PRKD1: variants seen among roughly 807,000 people sequenced by gnomAD.
PRKD1 encodes the protein serine/threonine-protein kinase D1.
Under a neutral mutation model 95.9 loss-of-function variants are expected in PRKD1, and 63 were observed. The ratio of observed to expected loss-of-function variants is 0.66; its 90% CI spans 0.54 to 0.81. The LOEUF is 0.81. Ranked by LOEUF, PRKD1 falls within the 30% of genes least tolerant of loss-of-function variation. The pLI, the probability that PRKD1 is intolerant of heterozygous loss-of-function variation, is 0.00. For missense variants in PRKD1, 1,048 were observed against 1,165.3 expected (o/e 0.90, Z 1.47); for synonymous variants, 425 against 423.1 (o/e 1.00, Z -0.05).
intron 1 of PRKD1, among the ~76,000 whole-genome samples, chr14:29,746,569 A>C (rs564391544): frequency 9.9e-5 from 15 of 151,492 alleles, no homozygotes; most frequent in Middle Eastern, 3.4e-3. Flanking sequence ...CCCTCTACTC[A>C]TTAACATGTG....
chr14:29,916,288 C>A lies in PRKD1; in HGVS notation c.264+10961G>T, dbSNP rs8003396. Reference sequence around the variant, plus strand: ...GACTACTCCGCTTGTAAAAAGCAACCTCCAAGATCTCTTTCCACTGTTATT... The same window carrying A: ...GACTACTCCGCTTGTAAAAAGCAACATCCAAGATCTCTTTCCACTGTTATT... On this transcript the variant is annotated intron_variant, in intron 1 of 17. Coordinates refer to ENST00000331968, the MANE Select transcript of PRKD1 (RefSeq NM_002742.3). Among the ~76,000 whole-genome samples, 516 of 152,294 alleles carry A rather than the reference C, an allele frequency of 3.4e-3. 7 individuals are homozygous for A. Among genetic ancestry groups the A allele is most frequent in the Admixed American group, 0.031 (469 of 15,300 alleles).
At chr14:29,866,430 A>G (rs1034777504) in intron 1 of PRKD1, among the ~76,000 whole-genome samples, 10 of 152,190 alleles carry the variant, frequency 6.6e-5, no homozygotes, top group Non-Finnish European at 4.4e-5. Flanking sequence ...ATGATCAAAT[A>G]TTTTCCCCAT....
chr14:29,827,206 GT>G (rs1333120937), intron 1 of PRKD1, among the ~76,000 whole-genome samples: 1 of 151,708 alleles, frequency 6.6e-6, no homozygotes, highest in East Asian at 1.9e-4. Flanking sequence ...AATACCACCT[GT>G]TCCCCCCAAA....
Position 29,638,690 on chromosome 14 carries a change from T to C in PRKD1, c.907+4A>G, listed in dbSNP as rs767767317. ...AGTTCGACAGGTGACAAAATCATCC[T>C]TACCTTTGCACTGCAAGCCCTGCCT... On this transcript the variant is annotated splice_donor_region_variant and intron_variant, in intron 5 of 17. Coordinates refer to ENST00000331968, the MANE Select transcript of PRKD1 (RefSeq NM_002742.3). The C allele has an allele frequency of 3.1e-6, 5 of 1,613,884 alleles. No individual in the cohort carries two copies. The African/African-American group carries it at 6.7e-5, about 22-fold the overall frequency.
At chr14:29,785,075 T>G (rs1330868754) in intron 1 of PRKD1, among the ~76,000 whole-genome samples, 1 of 152,140 alleles carries the variant, frequency 6.6e-6, no homozygotes, top group South Asian at 2.1e-4. Context: ...TGCTTACCCA[T>G]TACACATGCA....
At chr14:29,680,245 G>A (rs1005771005) in intron 2 of PRKD1, among the ~76,000 whole-genome samples, 3 of 152,122 alleles carry the variant, frequency 2.0e-5, no homozygotes, top group African/African-American at 7.2e-5. Context: ...AACCCCCATT[G>A]TACTGTCCAT....
intron 1 of PRKD1, among the ~76,000 whole-genome samples, chr14:29,752,103 A>C (rs1355106595): frequency 2.0e-5 from 3 of 152,226 alleles, no homozygotes; most frequent in Non-Finnish European, 4.4e-5. Context: ...TGATACTTGC[A>C]ATCATAGGTT....
intron 1 of PRKD1, among the ~76,000 whole-genome samples, chr14:29,887,601 T>G (rs1393915192): frequency 6.6e-6 from 1 of 152,216 alleles, no homozygotes; most frequent in Non-Finnish European, 1.5e-5. Context: ...AGATTTCAAG[T>G]TATGAGTATA....
chr14:29,787,215 G>GT (rs34161174), intron 1 of PRKD1, among the ~76,000 whole-genome samples: 6,301 of 85,286 alleles, frequency 0.074, 345 homozygotes, highest in African/African-American at 0.14. Context: ...TTTGTTCAGT[G>GT]TTTTTTTTTT....
At chr14:29,663,486 AT>A (rs1433712682) in intron 4 of PRKD1, among the ~76,000 whole-genome samples, 3 of 152,150 alleles carry the variant, frequency 2.0e-5, no homozygotes, top group African/African-American at 7.2e-5. Flanking sequence ...ATATTTTATC[AT>A]TTCACTAAGC....
intron 16 of PRKD1, among the ~76,000 whole-genome samples, chr14:29,585,400 T>C (rs1432811252): frequency 6.6e-6 from 1 of 152,214 alleles, no homozygotes; most frequent in East Asian, 1.9e-4. Flanking sequence ...CTTTCCTCTG[T>C]AGAAAGTTAT....
chr14:29,880,579 G>A (rs534903898), intron 1 of PRKD1, among the ~76,000 whole-genome samples: 3 of 152,132 alleles, frequency 2.0e-5, no homozygotes, highest in South Asian at 2.1e-4. Context: ...GGGGACCACC[G>A]AGTAGAGCTG....
chr14:29,675,132 T>C (rs543332510), intron 2 of PRKD1, among the ~76,000 whole-genome samples: 19 of 152,272 alleles, frequency 1.2e-4, no homozygotes, highest in East Asian at 5.8e-4. Flanking sequence ...ACTTGGTACT[T>C]AGAGACTCCC....
chr14:29,715,775 A>G (rs1885576603), intron 2 of PRKD1, among the ~76,000 whole-genome samples: 1 of 152,144 alleles, frequency 6.6e-6, no homozygotes, highest in Admixed American at 6.6e-5. Flanking sequence ...AGATTCTATA[A>G]CTCATCCATT....
intron 13 of PRKD1, among the ~76,000 whole-genome samples, chr14:29,616,648 TG>T (rs1203986613): frequency 6.6e-6 from 1 of 152,090 alleles, no homozygotes; most frequent in Non-Finnish European, 1.5e-5. Flanking sequence ...CCTTACAGTC[TG>T]GGGATTAGAA....
chr14:29,661,414 T>G (rs953473206), intron 4 of PRKD1, among the ~76,000 whole-genome samples: 1 of 152,192 alleles, frequency 6.6e-6, no homozygotes, highest in African/African-American at 2.4e-5. Flanking sequence ...AGGCACCCAC[T>G]ATAACTTTTA....
chr14:29,776,516 G>A (rs1021061363), intron 1 of PRKD1, among the ~76,000 whole-genome samples: 8 of 152,144 alleles, frequency 5.3e-5, no homozygotes, highest in Admixed American at 1.3e-4. Flanking sequence ...TTCAGTACCC[G>A]ATTCAATCAA....
At chr14:29,719,798 G>C (rs1417333649) in intron 2 of PRKD1, among the ~76,000 whole-genome samples, 1 of 152,150 alleles carries the variant, frequency 6.6e-6, no homozygotes, top group Non-Finnish European at 1.5e-5. Flanking sequence ...TCTGTGCAGA[G>C]AGACTGGATC....
chr14:29,732,716 TGTTGTATATAGA>T (rs1886499306), intron 1 of PRKD1, among the ~76,000 whole-genome samples: 1 of 152,150 alleles, frequency 6.6e-6, no homozygotes, highest in Non-Finnish European at 1.5e-5. Flanking sequence ...AAGCTATTTT[TGTTGTATATAGA>T]GTTGTATGTT....
Sources: allele counts gnomAD v4.1 joint callset (sites outside exome capture counted in the v4.1 genomes callset), GRCh38; gene constraint gnomAD v4.1.1; transcripts MANE v1.5; gene names NCBI Gene and HGNC (gene_info 2026-07-23, HGNC 2026-07-21).